The following RGS6 variants were observed in gnomAD, a reference collection of about 807,000 sequenced individuals.
RGS6 encodes the protein regulator of G protein signaling 6.
In RGS6, 30 loss-of-function variants were observed where a neutral mutation model predicts 78.5. That is an observed-to-expected ratio of 0.38 (90% confidence interval 0.29 to 0.52). The LOEUF is 0.52. Among genes scored for constraint, RGS6 ranks in the 20% least tolerant of loss-of-function variants. The pLI is 0.85. For missense variants in RGS6, 495 were observed against 609.7 expected, an observed-to-expected ratio of 0.81 and a Z score of 1.98; for synonymous variants, 206 against 206.0, an observed-to-expected ratio of 1.00 and a Z score of 0.00.
chr14:72,330,059 A>C (rs1483200527), intron 2 of RGS6, among the ~76,000 whole-genome samples: 1 of 152,236 alleles, frequency 6.6e-6, no homozygotes, highest in South Asian at 2.1e-4. Context: ...GCAGGTTCAC[A>C]GTCAACGTTA....
intron 2 of RGS6, among the ~76,000 whole-genome samples, chr14:72,060,624 G>A (rs2093847443): frequency 6.6e-6 from 1 of 152,114 alleles, no homozygotes; most frequent in African/African-American, 2.4e-5. Context: ...TATTTAAATA[G>A]ACTGAATGCA....
chr14:72,056,481 G>A (rs2093627183), intron 2 of RGS6, among the ~76,000 whole-genome samples: 1 of 152,190 alleles, frequency 6.6e-6, no homozygotes, highest in Non-Finnish European at 1.5e-5. Flanking sequence ...ATGGTCCCGT[G>A]AGAGAATTTC....
chr14:72,009,939 G>C (rs926393737), intron 2 of RGS6, among the ~76,000 whole-genome samples: 3 of 152,200 alleles, frequency 2.0e-5, no homozygotes, highest in Non-Finnish European at 4.4e-5. Flanking sequence ...TCCTGGCTTG[G>C]TATTATGAAG....
chr14:72,210,502 T>TGAAA, intron 2 of RGS6, among the ~76,000 whole-genome samples: 1 of 152,264 alleles, frequency 6.6e-6, no homozygotes, highest in South Asian at 2.1e-4. Context: ...GTTTGTCATT[T>TGAAA]GAAAGAAAGA....
chr14:72,020,082 G>A (rs2088045918), intron 2 of RGS6, among the ~76,000 whole-genome samples: 1 of 152,204 alleles, frequency 6.6e-6, no homozygotes, highest in Admixed American at 6.5e-5. Flanking sequence ...TAATGACTTT[G>A]ACAAGAATTT....
At chr14:72,214,413 G>A (rs1012868790) in intron 2 of RGS6, among the ~76,000 whole-genome samples, 4 of 151,926 alleles carry the variant, frequency 2.6e-5, no homozygotes, top group Non-Finnish European at 5.9e-5. Context: ...CCTAGAATTC[G>A]TAACTTTCTA....
At chr14:72,147,525 C>A (rs1004021016) in intron 2 of RGS6, among the ~76,000 whole-genome samples, 1 of 152,214 alleles carries the variant, frequency 6.6e-6, no homozygotes, top group Non-Finnish European at 1.5e-5. Context: ...TTAATCTATT[C>A]ATGAGCCCTC....
At chr14:72,496,901 G>GA in intron 13 of RGS6, among the ~76,000 whole-genome samples, 1 of 152,260 alleles carries the variant, frequency 6.6e-6, no homozygotes, top group Non-Finnish European at 1.5e-5. Flanking sequence ...GGTCGTGGCA[G>GA]TCTTTCCATG....
chr14:72,152,579 A>G (rs2096710607), intron 2 of RGS6, among the ~76,000 whole-genome samples: 1 of 152,166 alleles, frequency 6.6e-6, no homozygotes. Context: ...ACACTTGAAG[A>G]AGGTTTTAGC....
At chr14:72,529,781 C>T (rs2097160309) in intron 15 of RGS6, among the ~76,000 whole-genome samples, 1 of 152,186 alleles carries the variant, frequency 6.6e-6, no homozygotes, top group African/African-American at 2.4e-5. Flanking sequence ...AGGTCATCCC[C>T]AGGTATACAC....
intron 2 of RGS6, among the ~76,000 whole-genome samples, chr14:72,213,465 C>T (rs537012973): frequency 2.4e-4 from 37 of 152,234 alleles, no homozygotes; most frequent in Non-Finnish European, 4.4e-5. Flanking sequence ...GAACGTTTAC[C>T]CCCCTGTGAT....
intron 2 of RGS6, among the ~76,000 whole-genome samples, chr14:72,271,982 C>T (rs961957955): frequency 1.6e-4 from 25 of 151,700 alleles, no homozygotes; most frequent in Admixed American, 1.4e-3. Context: ...GCACTGGGGC[C>T]ACTGGGATAA....
chr14:72,073,244 A>G (rs1039840982), intron 2 of RGS6, among the ~76,000 whole-genome samples: 2 of 152,222 alleles, frequency 1.3e-5, no homozygotes, highest in Admixed American at 6.5e-5. Context: ...AACGTTGTCT[A>G]TAGGTTATTG....
At chr14:72,473,282 A>C (rs1277775528) in intron 9 of RGS6, among the ~76,000 whole-genome samples, 1 of 152,166 alleles carries the variant, frequency 6.6e-6, no homozygotes, top group Non-Finnish European at 1.5e-5. Flanking sequence ...TCGCTACTAA[A>C]AATACAAAAA....
At chr14:72,026,776 T>G (rs11846468) in intron 2 of RGS6, among the ~76,000 whole-genome samples, 19,915 of 152,248 alleles carry the variant, frequency 0.13, 1,361 homozygotes, top group East Asian at 0.17. Flanking sequence ...CTTGGAGTTC[T>G]GTGTCAGATA....
intron 2 of RGS6, among the ~76,000 whole-genome samples, chr14:71,984,872 A>T (rs1458414142): frequency 6.6e-6 from 1 of 152,176 alleles, no homozygotes; most frequent in African/African-American, 2.4e-5. Context: ...TTCCATTTAA[A>T]AAGTAATAAT....
chr14:72,151,494 T>C lies in RGS6; in HGVS notation c.84+186619T>C, dbSNP rs989857461. On this transcript the variant is annotated intron_variant, in intron 2 of 17. Transcript: ENST00000553525. Reference sequence around the variant, plus strand: ...GGGCACTGTGTAATTTTAATTGCCTTCGAGAGATGCACTTCACGTGAAGAC... The same window carrying C: ...GGGCACTGTGTAATTTTAATTGCCTCCGAGAGATGCACTTCACGTGAAGAC... 2.0e-5 allele frequency among the ~76,000 whole-genome samples: 3 copies of C among 152,198 alleles called. No homozygotes were observed. In the East Asian group the frequency reaches 5.8e-4, roughly 29 times the overall value.
intron 2 of RGS6, among the ~76,000 whole-genome samples, chr14:72,086,693 C>T (rs2095053774): frequency 1.3e-5 from 2 of 152,188 alleles, no homozygotes; most frequent in South Asian, 4.1e-4. Context: ...CAATAATCTA[C>T]ATCCAAAATG....
chr14:71,868,158 G>A, the RGS6 span, among the ~76,000 whole-genome samples: 1,081 of 152,290 alleles, frequency 7.1e-3, 22 homozygotes, highest in African/African-American at 0.025. Context: ...GTCAGGAGGG[G>A]TGTGTCAGGG....
Sources: allele counts gnomAD v4.1 joint callset (sites outside exome capture counted in the v4.1 genomes callset), GRCh38; gene constraint gnomAD v4.1.1; transcripts MANE v1.5; gene names NCBI Gene and HGNC (gene_info 2026-07-23, HGNC 2026-07-21).